The following TTK variants were observed in gnomAD, a reference collection of about 807,000 sequenced individuals.
The protein encoded by TTK is TTK protein kinase.
A neutral mutation model predicts 117.3 loss-of-function variants in TTK; 59 were observed. The observed-to-expected ratio is 0.50, with a 90% CI of 0.41 to 0.62. The LOEUF is 0.62. TTK is among the 20% of genes least tolerant of loss of function. The probability of loss-of-function intolerance (pLI) is 0.00; values close to 1 mark genes in which losing one functional copy is unlikely to be tolerated. For missense variants in TTK, 921 were observed against 989.4 expected, an observed-to-expected ratio of 0.93 and a Z score of 0.93; for synonymous variants, 302 against 325.0, an observed-to-expected ratio of 0.93 and a Z score of 0.76.
intron 17 of TTK, among the ~76,000 whole-genome samples, chr6:80,037,008 T>A (rs1287292629): frequency 6.6e-6 from 1 of 152,064 alleles, no homozygotes; most frequent in Non-Finnish European, 1.5e-5. Flanking sequence ...TTCCTATCAC[T>A]GAAATTGGAA....
chr6:80,013,321 A>G lies in TTK; in HGVS notation c.939A>G (p.Gly313=), dbSNP rs1171045898. Residue 313 remains glycine, a synonymous_variant, in exon 9 of 22, where the codon GGA becomes GGG. Transcript: ENST00000369798. ...RSECRDLVVP[G]SKPSGNDSCE... is the part of the protein sequence containing the mutation. ...AATGCCGAGATTTGGTTGTGCCTGG[A>G]TCTAAACCAAGTGGAAATGATTCCT... is the stretch of plus-strand genomic sequence containing the variant. 1.9e-6 allele frequency: 3 copies of G among 1,604,074 alleles called. No homozygotes were observed. The highest frequency in any genetic ancestry group is 2.5e-6 in the Non-Finnish European group (3 of 1,176,934).
intron 1 of TTK, 146 bp from the exon 2 acceptor site, chr6:80,005,696 C>G (rs1218650950): frequency 1.3e-6 from 1 of 789,100 alleles, no homozygotes; most frequent in Admixed American, 3.1e-5. Flanking sequence ...GTGCACTTAC[C>G]TCCATTAATA....
At chr6:80,009,188 T>C (rs1401998904) in intron 4 of TTK, among the ~76,000 whole-genome samples, 1 of 152,052 alleles carries the variant, frequency 6.6e-6, no homozygotes, top group African/African-American at 2.4e-5. Flanking sequence ...ATTCTCCCAC[T>C]GCCTTGTTTC....
intron 19 of TTK, 148 bp from the exon 20 acceptor site, chr6:80,040,048 C>G (rs1229919052): frequency 1.1e-6 from 1 of 928,082 alleles, no homozygotes; most frequent in Non-Finnish European, 1.5e-6. Context: ...TGCAAAAGTG[C>G]CTTGGGAGAA....
chr6:80,039,673 G>GTGTT, intron 18 of TTK, 23 bp from the exon 19 acceptor site: 1 of 1,476,468 alleles, frequency 6.8e-7, no homozygotes, highest in Non-Finnish European at 8.9e-7. Context: ...CAACTTTTTT[G>GTGTT]TGTTTGTTTG....
intron 21 of TTK, among the ~76,000 whole-genome samples, chr6:80,041,159 A>G (rs933683359): frequency 6.6e-6 from 1 of 151,704 alleles, no homozygotes; most frequent in Non-Finnish European, 1.5e-5. Flanking sequence ...GTCCATTTAT[A>G]TCTATACCAT....
At chr6:80,006,017 T>C in intron 2 of TTK, 35 bp downstream of exon 2, 3 of 1,589,570 alleles carry the variant, frequency 1.9e-6, no homozygotes, top group Non-Finnish European at 2.6e-6. Flanking sequence ...TAGTAACTGT[T>C]TGTTGGGTAT....
chr6:80,019,499 T>C (rs1378499160), intron 10 of TTK, among the ~76,000 whole-genome samples: 2 of 152,172 alleles, frequency 1.3e-5, no homozygotes, highest in Admixed American at 6.5e-5. Context: ...ACTACAGGCA[T>C]TTATCTCATT....
intron 20 of TTK, 94 bp downstream of exon 20, chr6:80,040,374 AC>A: frequency 3.6e-6 from 4 of 1,118,166 alleles, no homozygotes; most frequent in Non-Finnish European, 3.7e-6. Flanking sequence ...TAAATTGGCT[AC>A]CCTTTGTCAG....
rs181402547 is a variant in TTK, at chr6:80,007,759, G to A, written c.140-50G>A. On this transcript the variant is annotated intron_variant, in intron 2 of 21. Coordinates refer to ENST00000369798, the MANE Select transcript of TTK (RefSeq NM_003318.5). ...TATTTTGAAGGAAAAATGCAATTTG[G>A]CATTTGTTTTATGTCTTTTCTTGTG... is the stretch of plus-strand genomic sequence containing the variant. 1.8e-3 allele frequency: 2,662 copies of A among 1,469,498 alleles called. 19 individuals are homozygous for A. The Middle Eastern group carries it at 0.029, about 16-fold the overall frequency. The allele number at this position is 1,469,498 out of a possible 1,614,324, so 91.0% of individuals were successfully genotyped here. A position where few individuals can be genotyped will look rare whatever the true frequency, so the allele number is the denominator to read the frequency against.
chr6:80,010,383 A>C (rs1767109459), intron 4 of TTK, among the ~76,000 whole-genome samples: 1 of 150,694 alleles, frequency 6.6e-6, no homozygotes, highest in African/African-American at 2.4e-5. Context: ...ACTAAATGTC[A>C]TTATGAATGA....
At chr6:80,007,779 C>T in intron 2 of TTK, 30 bp from the exon 3 acceptor site, 1 of 1,555,950 alleles carries the variant, frequency 6.4e-7, no homozygotes, top group South Asian at 1.2e-5. Flanking sequence ...TATGTCTTTT[C>T]TTGTGATATA....
intron 13 of TTK, among the ~76,000 whole-genome samples, chr6:80,030,331 G>T (rs75831135): frequency 0.024 from 3,591 of 152,256 alleles, 56 homozygotes; most frequent in African/African-American, 0.027. Context: ...GAATGATGGG[G>T]CTGGTTGTAT....
intron 1 of TTK, among the ~76,000 whole-genome samples, chr6:80,005,192 C>G (rs1766955301): frequency 6.6e-6 from 1 of 151,616 alleles, no homozygotes; most frequent in Non-Finnish European, 1.5e-5. Context: ...TTGAGAGTCA[C>G]AAAGATACGA....
At chr6:80,023,244 T>A (rs1311249116) in intron 11 of TTK, among the ~76,000 whole-genome samples, 1 of 152,186 alleles carries the variant, frequency 6.6e-6, no homozygotes, top group African/African-American at 2.4e-5. Flanking sequence ...TCTATCTCTA[T>A]TTACTATATT....
At chr6:80,008,714 G>T (rs1292025928) in intron 4 of TTK, among the ~76,000 whole-genome samples, 1 of 152,098 alleles carries the variant, frequency 6.6e-6, no homozygotes, top group Non-Finnish European at 1.5e-5. Context: ...AAATGAGCAT[G>T]AACATTGTGT....
chr6:80,005,107 G>T (rs1340650212), intron 1 of TTK, among the ~76,000 whole-genome samples: 5 of 152,170 alleles, frequency 3.3e-5, no homozygotes, highest in Admixed American at 6.5e-5. Context: ...ATACCTTGCT[G>T]CAACTTTATG....
At chr6:80,040,799 C>T in intron 21 of TTK, 96 bp downstream of exon 21, 1 of 1,038,810 alleles carries the variant, frequency 9.6e-7, no homozygotes, top group Non-Finnish European at 1.4e-6. Context: ...TTGGTCCAAT[C>T]ATCAGATCAG....
chr6:80,026,333 A>C (rs756770636), intron 11 of TTK, 45 bp from the exon 12 acceptor site: 1 of 1,576,266 alleles, frequency 6.3e-7, no homozygotes, highest in Non-Finnish European at 8.6e-7. Flanking sequence ...GTGAACAGGC[A>C]ACTAATTTAA....
Sources: allele counts gnomAD v4.1 joint callset (sites outside exome capture counted in the v4.1 genomes callset), GRCh38; gene constraint gnomAD v4.1.1; transcripts MANE v1.5; gene names NCBI Gene and HGNC (gene_info 2026-07-23, HGNC 2026-07-21).